The following DRG1 variants were observed in gnomAD, a reference collection of about 807,000 sequenced individuals.
DRG1 encodes the protein developmentally-regulated GTP-binding protein 1.
DRG1 carries 19 observed loss-of-function variants against 38.8 expected under a neutral mutation model. That is an observed-to-expected ratio of 0.49 (90% CI 0.34 to 0.72). The LOEUF (loss-of-function observed/expected upper bound fraction) is 0.72, where lower values mean the gene tolerates loss of function less well. Among genes scored for constraint, DRG1 ranks in the 30% least tolerant of loss-of-function variants. The pLI is 0.01. For synonymous variants in DRG1, 167 were observed against 157.5 expected (o/e 1.06, Z -0.45); for missense variants, 299 against 444.8 (o/e 0.67, Z 2.95).
chr22:31,400,006 C>T (rs1453336096), intron 1 of DRG1, among the ~76,000 whole-genome samples: 2 of 152,122 alleles, frequency 1.3e-5, no homozygotes, highest in Admixed American at 6.6e-5. Context: ...GTCCGTTCCC[C>T]CTCCCAGTGT....
At chr22:31,419,873 C>T (rs1466848492) in intron 4 of DRG1, among the ~76,000 whole-genome samples, 2 of 152,068 alleles carry the variant, frequency 1.3e-5, no homozygotes, top group Non-Finnish European at 2.9e-5. Flanking sequence ...GTGAGGAAAC[C>T]TCGTCTCTAC....
chr22:31,429,968 T>C (rs2050130408), intron 8 of DRG1, among the ~76,000 whole-genome samples: 1 of 152,088 alleles, frequency 6.6e-6, no homozygotes, highest in Admixed American at 6.5e-5. Context: ...GGTCTTGCAA[T>C]GTTGCCCAGG....
At chr22:31,423,580 G>C (rs941072542) in intron 6 of DRG1, among the ~76,000 whole-genome samples, 170 bp downstream of exon 6, 1 of 142,902 alleles carries the variant, frequency 7.0e-6, no homozygotes, top group Non-Finnish European at 1.5e-5. Flanking sequence ...AGGCTAGAGT[G>C]CAGTGGCGTG....
intron 2 of DRG1, among the ~76,000 whole-genome samples, chr22:31,401,424 C>G (rs1451253092): frequency 6.6e-6 from 1 of 151,190 alleles, no homozygotes; most frequent in African/African-American, 2.4e-5. Flanking sequence ...ACTAAAAATA[C>G]AAAAATTAGC....
At chr22:31,411,726 C>T (rs1288302162) in intron 4 of DRG1, among the ~76,000 whole-genome samples, 1 of 151,012 alleles carries the variant, frequency 6.6e-6, no homozygotes, top group Admixed American at 6.6e-5. Flanking sequence ...GACGGAGTTT[C>T]ACCATGTTAC....
intron 5 of DRG1, among the ~76,000 whole-genome samples, chr22:31,421,783 T>C (rs952787332): frequency 3.3e-5 from 5 of 152,036 alleles, no homozygotes; most frequent in African/African-American, 1.2e-4. Context: ...TTTAATGTCA[T>C]GGGCCTAACT....
In DRG1 at chr22:31,426,724, C is replaced by T. The variant is rs769954042; in HGVS notation, c.823C>T (p.Arg275Cys). 37 of 1,614,002 alleles carry T rather than the reference C, an allele frequency of 2.3e-5. No individual in the cohort carries two copies. Among genetic ancestry groups the T allele is most frequent in the South Asian group, 1.3e-4 (12 of 91,086 alleles). The change falls in exon 7 of 9, where the codon CGC (arginine) becomes TGC (cysteine). Residue 275 changes from arginine (R) to cysteine (C), a missense_variant. Coordinates refer to ENST00000331457, the MANE Select transcript of DRG1 (RefSeq NM_004147.4). Reference protein sequence around the residue: ...PHCVPISAHHRWNFDDLLEKI... With the variant: ...PHCVPISAHHCWNFDDLLEKI... ...CTGTGTACCCATCTCTGCCCATCAC[C>T]GCTGGAATTTTGATGACCTATTGGA...
intron 8 of DRG1, among the ~76,000 whole-genome samples, chr22:31,427,645 A>C (rs951813301): frequency 6.6e-6 from 1 of 152,112 alleles, no homozygotes; most frequent in Non-Finnish European, 1.5e-5. Flanking sequence ...AGCTCACTGG[A>C]GCCTCAATCT....
intron 4 of DRG1, among the ~76,000 whole-genome samples, chr22:31,412,826 C>T (rs917154725): frequency 6.6e-6 from 1 of 151,894 alleles, no homozygotes; most frequent in Non-Finnish European, 1.5e-5. Flanking sequence ...GCAGGGACTA[C>T]AGGTGCGTGC....
At chr22:31,421,820 TAGAAA>T (rs1322637899) in intron 5 of DRG1, among the ~76,000 whole-genome samples, 2 of 151,948 alleles carry the variant, frequency 1.3e-5, no homozygotes. Flanking sequence ...TGAGTATAGA[TAGAAA>T]AGAAAAGAGA....
At position 31,407,243 on chromosome 22, in the gene DRG1, T is replaced by C. The variant is rs1015949837; in HGVS notation, c.343-3769T>C. 5.9e-5 allele frequency among the ~76,000 whole-genome samples: 9 copies of C among 152,310 alleles called. No homozygotes were observed. In the South Asian group the frequency reaches 1.7e-3, roughly 28 times the overall value. On this transcript the variant is annotated intron_variant, in intron 3 of 8. Transcript: ENST00000331457. ...TTAATATATATTTTAGGGGAGATAC[T>C]TCAAGAAGATGCAAATCCTGTTTTT... is the stretch of plus-strand genomic sequence containing the variant.
chr22:31,413,707 G>A (rs987212169), intron 4 of DRG1, among the ~76,000 whole-genome samples: 1 of 135,004 alleles, frequency 7.4e-6, no homozygotes, highest in Non-Finnish European at 1.5e-5. Context: ...TCTGCCTCCC[G>A]GTTTCAAGTC....
intron 3 of DRG1, among the ~76,000 whole-genome samples, chr22:31,404,012 A>G (rs1333869078): frequency 2.8e-5 from 3 of 107,114 alleles, no homozygotes; most frequent in African/African-American, 1.1e-4. Flanking sequence ...GTAGGATGCT[A>G]TTGACACCTC....
Position 31,433,890 on chromosome 22 carries a change from C to T in DRG1, c.1023C>T (p.Leu341=), listed in dbSNP as rs773904999. ...CATGCAGTGCTCTGGTCTGGGGTCT[C>T]TCTGTGAAACACAATCCTCAGAAAG... ...KEFKYALVWG[L]SVKHNPQKVG... The change falls in exon 9 of 9, where the codon CTC becomes CTT. Residue 341 remains leucine (L), a synonymous_variant. Transcript: ENST00000331457. The T allele has an allele frequency of 4.3e-6, 7 of 1,613,950 alleles. No homozygotes were observed. The highest frequency in any genetic ancestry group is 5.9e-6 in the Non-Finnish European group (7 of 1,179,944).
At chr22:31,422,578 C>T (rs547992546) in intron 5 of DRG1, among the ~76,000 whole-genome samples, 4 of 152,324 alleles carry the variant, frequency 2.6e-5, no homozygotes, top group East Asian at 3.9e-4. Context: ...TGCTGCTTCT[C>T]TGTCAGAATT....
chr22:31,402,391 T>G (rs573291078), intron 2 of DRG1, among the ~76,000 whole-genome samples: 1 of 152,214 alleles, frequency 6.6e-6, no homozygotes, highest in Admixed American at 6.5e-5. Context: ...TTAATTTGTT[T>G]ATTTTAGTTA....
intron 2 of DRG1, among the ~76,000 whole-genome samples, chr22:31,402,021 A>G (rs979151718): frequency 9.2e-5 from 14 of 152,132 alleles, no homozygotes; most frequent in Admixed American, 7.2e-4. Context: ...ACTGTACCCC[A>G]GCCTGGGTGA....
At chr22:31,425,439 ACT>A (rs2050104630) in intron 6 of DRG1, among the ~76,000 whole-genome samples, 2 of 141,062 alleles carry the variant, frequency 1.4e-5, no homozygotes, top group African/African-American at 5.0e-5. Flanking sequence ...ATGATACATT[ACT>A]TTTTTTTTTT....
At chr22:31,433,763 G>A in intron 8 of DRG1, 109 bp from the exon 9 acceptor site, 2 of 880,266 alleles carry the variant, frequency 2.3e-6, no homozygotes, top group South Asian at 3.2e-5. Flanking sequence ...GTAGGTCTAT[G>A]GTTCTTAAGG....
Sources: gnomAD v4.1 joint callset for allele counts (sites outside exome capture counted in the v4.1 genomes callset) on GRCh38, gnomAD v4.1.1 for gene constraint, MANE v1.5 for transcripts, NCBI Gene and HGNC (gene_info 2026-07-23, HGNC 2026-07-21) for gene names.